NOP58: variants seen among roughly 807,000 people sequenced by gnomAD.
NOP58 encodes NOP58 ribonucleoprotein.
In NOP58, 44 loss-of-function variants were observed where a neutral mutation model predicts 71.2. The ratio of observed to expected loss-of-function variants is 0.62; its 90% confidence interval spans 0.49 to 0.79. The LOEUF (loss-of-function observed/expected upper bound fraction) is 0.79, where lower values mean the gene tolerates loss of function less well. Among genes scored for constraint, NOP58 ranks in the 30% least tolerant of loss-of-function variants. The pLI is 0.00. For missense variants in NOP58, 538 were observed against 620.2 expected, an observed-to-expected ratio of 0.87 and a Z score of 1.41; for synonymous variants, 228 against 200.3, an observed-to-expected ratio of 1.14 and a Z score of -1.17.
rs1002904221 is a variant in NOP58 at position 202,301,964 on chromosome 2, G to A, written c.1403-957G>A. Among the ~76,000 whole-genome samples, 7 of 151,860 alleles carry A rather than the reference G, an allele frequency of 4.6e-5. No homozygotes were observed. In the East Asian group the frequency reaches 1.4e-3, roughly 29 times the overall value. On this transcript the variant is annotated intron_variant, in intron 13 of 14. Coordinates refer to ENST00000264279, the MANE Select transcript of NOP58 (RefSeq NM_015934.5). ...CACTAAAATAAAAAAGATTCATAGG[G>A]AAACGAATATTTTTGCCTCTTGTGC...
intron 1 of NOP58, among the ~76,000 whole-genome samples, chr2:202,267,168 T>C (rs1688431403): frequency 6.6e-6 from 1 of 152,178 alleles, no homozygotes; most frequent in Admixed American, 6.6e-5. Flanking sequence ...CTGAGGTCTG[T>C]GAATATAGCA....
intron 13 of NOP58, among the ~76,000 whole-genome samples, chr2:202,300,881 G>C (rs1689080399): frequency 6.6e-6 from 1 of 152,076 alleles, no homozygotes; most frequent in Non-Finnish European, 1.5e-5. Flanking sequence ...AGTTACACCT[G>C]GGTTTATTGA....
intron 1 of NOP58, among the ~76,000 whole-genome samples, chr2:202,268,990 G>A (rs1372046595): frequency 6.6e-6 from 1 of 151,920 alleles, no homozygotes; most frequent in African/African-American, 2.4e-5. Flanking sequence ...TCATGTTTAT[G>A]TATTTAAAAT....
intron 6 of NOP58, among the ~76,000 whole-genome samples, chr2:202,288,006 C>T (rs552068107): frequency 2.0e-5 from 3 of 151,902 alleles, no homozygotes; most frequent in Non-Finnish European, 2.9e-5. Context: ...CCCAGCTACT[C>T]AGGAGGCTGA....
chr2:202,288,824 AAAC>A (rs1181199877), intron 6 of NOP58, among the ~76,000 whole-genome samples: 1 of 151,870 alleles, frequency 6.6e-6, no homozygotes, highest in Non-Finnish European at 1.5e-5. Context: ...TCAAAAAAAA[AAAC>A]AAAGTATTCG....
chr2:202,266,105 T>C lies in NOP58; in HGVS notation c.45+119T>C, dbSNP rs561254409. 9.1e-6 allele frequency: 11 copies of C among 1,205,198 alleles called. No homozygotes were observed. In the East Asian group the frequency reaches 2.3e-4, roughly 26 times the overall value. The allele number at this position is 1,205,198 out of a possible 1,614,324, so 74.7% of individuals were successfully genotyped here. On this transcript the variant is annotated intron_variant, in intron 1 of 14. Transcript: ENST00000264279. ...TGGGTGCCTGTTATAGCCCGGGCTC[T>C]GGGAGGAGGGAGAAGGCCTTTACAC...
At chr2:202,287,039 TTAA>T (rs894710740) in intron 5 of NOP58, among the ~76,000 whole-genome samples, 1 of 151,642 alleles carries the variant, frequency 6.6e-6, no homozygotes, top group African/African-American at 2.4e-5. Flanking sequence ...ATATGTGCTA[TTAA>T]AAATTGCATG....
chr2:202,287,317 C>T (rs1420161489), intron 5 of NOP58, among the ~76,000 whole-genome samples: 4 of 152,224 alleles, frequency 2.6e-5, no homozygotes, highest in African/African-American at 9.6e-5. Flanking sequence ...CTGCCCACCT[C>T]GGCCTCCCAA....
Position 202,295,838 on chromosome 2 carries a change from G to T in NOP58, c.1071+1G>T. 1 of 1,567,634 alleles carries T rather than the reference G, an allele frequency of 6.4e-7. No individual in the cohort carries two copies. The highest frequency in any genetic ancestry group is 8.6e-7 in the Non-Finnish European group (1 of 1,161,380). ...GACAAGTCCCAAACACAAAGGAAAG[G>T]TGTGTTATAGGGTTTTGCTTTGTTT... is the stretch of plus-strand genomic sequence containing the variant. On this transcript the variant is annotated splice_donor_variant, in intron 10 of 14. Transcript: ENST00000264279. LOFTEE classifies it high-confidence loss of function.
chr2:202,293,137 G>A (rs780134977), intron 9 of NOP58: 1 of 697,194 alleles, frequency 1.4e-6, no homozygotes, highest in South Asian at 1.4e-5. Flanking sequence ...TGAGACACTT[G>A]TGGTCCATTG....
chr2:202,298,426 A>T (rs1175871368), intron 12 of NOP58, among the ~76,000 whole-genome samples: 3 of 152,148 alleles, frequency 2.0e-5, no homozygotes, highest in Non-Finnish European at 4.4e-5. Flanking sequence ...TGAGGCAGGC[A>T]GATCACCTGA....
chr2:202,271,922 C>G (rs1197207559), intron 1 of NOP58, among the ~76,000 whole-genome samples: 9 of 152,140 alleles, frequency 5.9e-5, no homozygotes, highest in African/African-American at 2.4e-5. Flanking sequence ...CCAGCCTGGA[C>G]AACAAAGCGA....
chr2:202,300,079 C>G lies in NOP58; in HGVS notation c.1269-155C>G, dbSNP rs2105858208. ...TATTAATACCTTTAACTTTTGGAAACTATTAGTCTTCATAAACTACCCCAA... is the reference window on the plus strand; with the variant it reads ...TATTAATACCTTTAACTTTTGGAAAGTATTAGTCTTCATAAACTACCCCAA... On this transcript the variant is annotated intron_variant, in intron 12 of 14. Coordinates refer to ENST00000264279, the MANE Select transcript of NOP58 (RefSeq NM_015934.5). 4.9e-6 allele frequency: 3 copies of G among 614,438 alleles called. No homozygotes were observed. In the South Asian group the frequency reaches 6.6e-5, roughly 13 times the overall value. 38.1% of individuals were successfully genotyped at this position (614,438 alleles called of 1,614,324 possible). A position where few individuals can be genotyped will look rare whatever the true frequency, so the allele number is the denominator to read the frequency against.
At chr2:202,272,468 C>T (rs1289284270) in intron 1 of NOP58, among the ~76,000 whole-genome samples, 1 of 152,102 alleles carries the variant, frequency 6.6e-6, no homozygotes, top group Non-Finnish European at 1.5e-5. Context: ...TAAATTTAAT[C>T]ACACATGGTT....
chr2:202,269,999 A>C (rs1464090020), intron 1 of NOP58, among the ~76,000 whole-genome samples: 2 of 152,194 alleles, frequency 1.3e-5, no homozygotes, highest in Non-Finnish European at 2.9e-5. Flanking sequence ...TCATTTTCTC[A>C]AGGTTTGGAG....
chr2:202,267,082 C>G (rs1271229417), intron 1 of NOP58, among the ~76,000 whole-genome samples: 1 of 152,098 alleles, frequency 6.6e-6, no homozygotes, highest in Admixed American at 6.6e-5. Context: ...GTAAGACATT[C>G]GTATCGCAAG....
intron 14 of NOP58, 73 bp downstream of exon 14, chr2:202,303,130 C>T: frequency 1.3e-6 from 2 of 1,493,440 alleles, no homozygotes; most frequent in African/African-American, 1.4e-5. Flanking sequence ...TTTTCTATAT[C>T]AGAAATGAGC....
At chr2:202,302,088 T>TC (rs1393033437) in intron 13 of NOP58, among the ~76,000 whole-genome samples, 5 of 133,758 alleles carry the variant, frequency 3.7e-5, no homozygotes, top group African/African-American at 5.6e-5. Flanking sequence ...TTTTTCTTTT[T>TC]TTTTTTTTTT....
intron 3 of NOP58, chr2:202,278,350 G>A (rs1485554308): frequency 2.1e-6 from 1 of 475,678 alleles, no homozygotes; most frequent in Non-Finnish European, 4.3e-6. Context: ...CAAGTATACA[G>A]CTCTCTCCTC....
Sources: gnomAD v4.1 joint callset for allele counts (sites outside exome capture counted in the v4.1 genomes callset) on GRCh38, gnomAD v4.1.1 for gene constraint, MANE v1.5 for transcripts, NCBI Gene and HGNC (gene_info 2026-07-23, HGNC 2026-07-21) for gene names.